Variants in ADCY5 observed in about 807,000 individuals in gnomAD.
ADCY5 encodes adenylate cyclase 5.
ADCY5 carries 30 observed loss-of-function variants against 119.7 expected under a neutral mutation model. The observed-to-expected ratio is 0.25, with a 90% CI of 0.19 to 0.34. The LOEUF is 0.34. Among genes scored for constraint, ADCY5 ranks in the 10% least tolerant of loss-of-function variants. ADCY5 has a pLI of 1.00. For missense variants in ADCY5, 1,324 were observed against 1,775.2 expected (o/e 0.75, Z 4.57); for synonymous variants, 753 against 762.2 (o/e 0.99, Z 0.20).
At chr3:123,424,790 G>A (rs1353455473) in intron 1 of ADCY5, among the ~76,000 whole-genome samples, 1 of 152,182 alleles carries the variant, frequency 6.6e-6, no homozygotes, top group Non-Finnish European at 1.5e-5. Context: ...ACGCGCGCAT[G>A]TCAGCATGCC....
intron 3 of ADCY5, among the ~76,000 whole-genome samples, chr3:123,333,693 G>A (rs1475254270): frequency 6.6e-6 from 1 of 152,256 alleles, no homozygotes; most frequent in Non-Finnish European, 1.5e-5. Flanking sequence ...TCTCAGGCCT[G>A]CCCGTTTGAC....
At chr3:123,295,951 TG>T in intron 17 of ADCY5, 132 bp downstream of exon 17, 1 of 1,338,722 alleles carries the variant, frequency 7.5e-7, no homozygotes, top group Non-Finnish European at 1.0e-6. Context: ...GTGGCTTCGA[TG>T]GGGCCTGAGC....
rs141058563 is a variant in ADCY5, at chr3:123,284,710, C to T, written c.3684G>A (p.Leu1228=). The T allele has an allele frequency of 1.9e-4, 299 of 1,614,256 alleles. No homozygotes were observed. The highest frequency in any genetic ancestry group is 2.3e-4 in the Non-Finnish European group (275 of 1,180,044). The change falls in exon 21 of 21, where the codon CTG becomes CTA. Residue 1228 remains leucine, a synonymous_variant. Coordinates refer to ENST00000462833, the MANE Select transcript of ADCY5 (RefSeq NM_183357.3). ...ACTCCAGCTGGTACGTGTTGGCAGC[C>T]AGCACCTGGTACATGTCTGTGGTGA... The part of the protein sequence containing the change: ...IQVTTDMYQV[L]AANTYQLECR...
At chr3:123,303,009 C>A in intron 14 of ADCY5, 46 bp downstream of exon 14, 1 of 1,598,816 alleles carries the variant, frequency 6.3e-7, no homozygotes, top group Non-Finnish European at 8.5e-7. Flanking sequence ...TGGGGGAGGG[C>A]AAGGGACTCT....
chr3:123,292,238 G>A (rs915890667), intron 17 of ADCY5, among the ~76,000 whole-genome samples: 1 of 152,252 alleles, frequency 6.6e-6, no homozygotes, highest in Admixed American at 6.5e-5. Flanking sequence ...GCTGCAAGTA[G>A]AATCTCCAAC....
intron 18 of ADCY5, among the ~76,000 whole-genome samples, chr3:123,290,877 G>T (rs186724820): frequency 6.6e-6 from 1 of 152,350 alleles, no homozygotes; most frequent in Non-Finnish European, 1.5e-5. Context: ...CCAGACACTT[G>T]AGTTCTGTGG....
intron 1 of ADCY5, among the ~76,000 whole-genome samples, chr3:123,436,807 C>A (rs1243507102): frequency 1.3e-5 from 2 of 152,186 alleles, no homozygotes; most frequent in African/African-American, 2.4e-5. Context: ...TTGATAAGCA[C>A]ATGCTATCAA....
At position 123,448,145 on chromosome 3, in the gene ADCY5, C is replaced by CCGA; in HGVS notation, c.400_401insTCG (p.Ala133_Gly134insVal). The CCGA allele has an allele frequency of 9.7e-7, 1 of 1,030,202 alleles. No individual in the cohort carries two copies. Among genetic ancestry groups the CCGA allele is most frequent in the Non-Finnish European group, 1.2e-6 (1 of 864,796 alleles). 63.8% of individuals were successfully genotyped at this position (1,030,202 alleles called of 1,614,324 possible). A position where few individuals can be genotyped will look rare whatever the true frequency, so the allele number is the denominator to read the frequency against. On this transcript the variant is annotated inframe_insertion, in exon 1 of 21. Transcript: ENST00000462833. ...CGCCGCCGCCGAGCCGCCGCCGCCG[C>CCGA]CCGCAGGGGGCGCCCGGGTGCTGCC...
At chr3:123,302,505 C>T (rs1939905334) in intron 14 of ADCY5, among the ~76,000 whole-genome samples, 1 of 152,118 alleles carries the variant, frequency 6.6e-6, no homozygotes, top group African/African-American at 2.4e-5. Flanking sequence ...CTTTGCTCCC[C>T]TCCCTCCTCT....
At chr3:123,422,728 G>C (rs750113556) in intron 1 of ADCY5, among the ~76,000 whole-genome samples, 1 of 152,196 alleles carries the variant, frequency 6.6e-6, no homozygotes, top group Non-Finnish European at 1.5e-5. Context: ...TAGGATAACA[G>C]CTTCCAGGCT....
intron 1 of ADCY5, among the ~76,000 whole-genome samples, chr3:123,419,934 C>T (rs572612531): frequency 1.3e-5 from 2 of 152,126 alleles, no homozygotes; most frequent in African/African-American, 2.4e-5. Context: ...GACACCCCCC[C>T]ACCCCTCCAC....
chr3:123,391,007 G>A lies in ADCY5; in HGVS notation c.1135-38426C>T, dbSNP rs74961334. Among the ~76,000 whole-genome samples the A allele has an allele frequency of 6.0e-3, 915 of 152,356 alleles. 15 individuals are homozygous for A. The highest frequency in any genetic ancestry group is 0.021 in the African/African-American group (877 of 41,580). On this transcript the variant is annotated intron_variant, in intron 1 of 20. Transcript: ENST00000462833. Reference sequence around the variant, plus strand: ...AGAAGCCAAACACTACAAGGACACCGTGCTGACCCAGCCTTGGGCAGAGGC... The same window carrying A: ...AGAAGCCAAACACTACAAGGACACCATGCTGACCCAGCCTTGGGCAGAGGC...
chr3:123,385,172 A>T (rs554999107), intron 1 of ADCY5, among the ~76,000 whole-genome samples: 1 of 152,292 alleles, frequency 6.6e-6, no homozygotes, highest in African/African-American at 2.4e-5. Context: ...GGATGGCTCT[A>T]TCTAAGCAAG....
chr3:123,414,502 G>A (rs964631719), intron 1 of ADCY5, among the ~76,000 whole-genome samples: 2 of 152,196 alleles, frequency 1.3e-5, no homozygotes, highest in South Asian at 2.1e-4. Context: ...CTCCCACTCA[G>A]GGGAGAGAAA....
At position 123,286,937 on chromosome 3, in the gene ADCY5, G is replaced by T; in HGVS notation, c.3533-128C>A. On this transcript the variant is annotated intron_variant, in intron 19 of 20. Coordinates refer to ENST00000462833, the MANE Select transcript of ADCY5 (RefSeq NM_183357.3). The surrounding 1 kb of genome is among the most constrained non-coding windows in gnomAD (Gnocchi z 4.2). Reference sequence around the variant, plus strand: ...ACACCCGTGGGCTTCCAGGCCCAAGGCTGTGCTAAACCCTGCAGCCTCCCG... The same window carrying T: ...ACACCCGTGGGCTTCCAGGCCCAAGTCTGTGCTAAACCCTGCAGCCTCCCG... 7.4e-7 allele frequency: 1 copy of T among 1,349,578 alleles called. No homozygotes were observed. The highest frequency in any genetic ancestry group is 9.8e-7 in the Non-Finnish European group (1 of 1,017,530). The allele number at this position is 1,349,578 out of a possible 1,614,324, so 83.6% of individuals were successfully genotyped here. A position where few individuals can be genotyped will look rare whatever the true frequency, so the allele number is the denominator to read the frequency against.
At chr3:123,311,461 T>C (rs1348872529) in intron 12 of ADCY5, among the ~76,000 whole-genome samples, 1 of 152,180 alleles carries the variant, frequency 6.6e-6, no homozygotes, top group Non-Finnish European at 1.5e-5. Flanking sequence ...AGACGCTCCT[T>C]TCATGTCTTC....
chr3:123,384,860 C>T (rs1008841262), intron 1 of ADCY5, among the ~76,000 whole-genome samples: 25 of 152,086 alleles, frequency 1.6e-4, no homozygotes, highest in African/African-American at 5.6e-4. Context: ...TAGGACCCCT[C>T]GGCCCGGGAG....
chr3:123,448,840 G>T lies in ADCY5; in HGVS notation c.-295C>A. 1 of 319,890 alleles carries T rather than the reference G, an allele frequency of 3.1e-6. No homozygotes were observed. Among genetic ancestry groups the T allele is most frequent in the Admixed American group, 5.0e-5 (1 of 20,088 alleles). The allele number at this position is 319,890 out of a possible 1,614,324, so 19.8% of individuals were successfully genotyped here. ...GTCTGGCTGCTGCTGCGCCGCACGC[G>T]GAGAGACGTCCGGGATCCTGGCTCG... is the stretch of plus-strand genomic sequence containing the variant. On this transcript the variant is annotated 5_prime_UTR_variant, in exon 1 of 21. Coordinates refer to ENST00000462833, the MANE Select transcript of ADCY5 (RefSeq NM_183357.3).
intron 10 of ADCY5, 147 bp from the exon 11 acceptor site, chr3:123,318,264 G>T: frequency 1.6e-6 from 1 of 613,588 alleles, no homozygotes; most frequent in Non-Finnish European, 3.0e-6. Context: ...GAGAACCAGA[G>T]TCAAACTTAG....
Sources: gnomAD v4.1 joint callset for allele counts (sites outside exome capture counted in the v4.1 genomes callset) on GRCh38, gnomAD v4.1.1 for gene constraint, Gnocchi (gnomAD v3.1) non-coding constraint, MANE v1.5 for transcripts, NCBI Gene and HGNC (gene_info 2026-07-23, HGNC 2026-07-21) for gene names.